SLC2A1: variants seen among roughly 807,000 people sequenced by gnomAD.
SLC2A1 encodes solute carrier family 2 member 1, also known as solute carrier family 2, facilitated glucose transporter member 1.
A neutral mutation model predicts 46.6 loss-of-function variants in SLC2A1; 4 were observed. The observed-to-expected ratio is 0.09, with a 90% confidence interval of 0.04 to 0.20. SLC2A1 has a LOEUF of 0.20. Among genes scored for constraint, SLC2A1 ranks in the 10% least tolerant of loss-of-function variants. The pLI, the probability that SLC2A1 is intolerant of heterozygous loss-of-function variation, is 1.00. For synonymous variants in SLC2A1, 253 were observed against 270.0 expected, an observed-to-expected ratio of 0.94 and a Z score of 0.62; for missense variants, 352 against 667.0, an observed-to-expected ratio of 0.53 and a Z score of 5.20.
At chr1:42,945,127 G>A (rs929866195) in intron 1 of SLC2A1, among the ~76,000 whole-genome samples, 24 of 152,138 alleles carry the variant, frequency 1.6e-4, no homozygotes, top group Admixed American at 1.1e-3. Flanking sequence ...GGCCCGCCAC[G>A]TGCTGGGCTT....
chr1:42,928,074 A>G (rs1374252403), intron 8 of SLC2A1, among the ~76,000 whole-genome samples: 1 of 152,214 alleles, frequency 6.6e-6, no homozygotes, highest in Non-Finnish European at 1.5e-5. Context: ...AAGAGGCCCC[A>G]TGGTCCCCTG....
At position 42,926,762 on chromosome 1, in the gene SLC2A1, G is replaced by A. The variant is rs1427225376; in HGVS notation, c.*279C>T. 7.0e-7 allele frequency: 1 copy of A among 1,422,926 alleles called. No homozygotes were observed. The highest frequency in any genetic ancestry group is 1.4e-5 in the African/African-American group (1 of 70,464). The allele number at this position is 1,422,926 out of a possible 1,614,324, so 88.1% of individuals were successfully genotyped here. ...GGTGAAGCCTGGGATGTGGGCACAG[G>A]AGACTCAGGCTGATATAAAAATAAC... is the stretch of plus-strand genomic sequence containing the variant. On this transcript the variant is annotated 3_prime_UTR_variant, in exon 10 of 10. Coordinates refer to ENST00000426263, the MANE Select transcript of SLC2A1 (RefSeq NM_006516.4).
chr1:42,934,852 C>T (rs185007471), intron 2 of SLC2A1, among the ~76,000 whole-genome samples: 130 of 152,246 alleles, frequency 8.5e-4, no homozygotes, highest in African/African-American at 3.1e-3. Flanking sequence ...ATTCTGCCTC[C>T]GAGTCTGTCC....
intron 1 of SLC2A1, among the ~76,000 whole-genome samples, chr1:42,946,391 C>A (rs1643655669): frequency 6.6e-6 from 1 of 152,176 alleles, no homozygotes; most frequent in South Asian, 2.1e-4. Context: ...AAACTGGACC[C>A]AGTCCTGACA....
chr1:42,948,763 TA>T (rs1211233452), intron 1 of SLC2A1, among the ~76,000 whole-genome samples: 1 of 151,936 alleles, frequency 6.6e-6, no homozygotes, highest in African/African-American at 2.4e-5. Flanking sequence ...ACCCTGTCTC[TA>T]CTAAAAATAG....
chr1:42,949,118 C>T (rs574644803), intron 1 of SLC2A1, among the ~76,000 whole-genome samples: 1 of 151,606 alleles, frequency 6.6e-6, no homozygotes, highest in Non-Finnish European at 1.5e-5. Flanking sequence ...TGGCACATGC[C>T]TATAATCCCA....
chr1:42,958,085 G>T (rs1643797861), intron 1 of SLC2A1, among the ~76,000 whole-genome samples: 2 of 152,166 alleles, frequency 1.3e-5, no homozygotes, highest in Non-Finnish European at 2.9e-5. Context: ...GAGGAGTAGG[G>T]GAGGCCGGTG....
Position 42,926,719 on chromosome 1 carries a change from A to G in SLC2A1, c.*322T>C, listed in dbSNP as rs886046340. The G allele has an allele frequency of 7.3e-7, 1 of 1,369,512 alleles. No individual in the cohort carries two copies. Among genetic ancestry groups the G allele is most frequent in the Non-Finnish European group, 9.6e-7 (1 of 1,041,702 alleles). The allele number at this position is 1,369,512 out of a possible 1,614,324, so 84.8% of individuals were successfully genotyped here. A position where few individuals can be genotyped will look rare whatever the true frequency, so the allele number is the denominator to read the frequency against. On this transcript the variant is annotated 3_prime_UTR_variant, in exon 10 of 10. Transcript: ENST00000426263. Reference sequence around the variant, plus strand: ...TCGACAGGGCTTAGTCTCCACCCTCAGGCATGGAACCATTCAGGGTGAAGC... The same window carrying G: ...TCGACAGGGCTTAGTCTCCACCCTCGGGCATGGAACCATTCAGGGTGAAGC...
At position 42,929,449 on chromosome 1, in the gene SLC2A1, G is replaced by A; in HGVS notation, c.868-135C>T. The A allele has an allele frequency of 2.8e-6, 3 of 1,079,444 alleles. No homozygotes were observed. The highest frequency in any genetic ancestry group is 4.2e-6 in the Non-Finnish European group (3 of 709,604). 66.9% of individuals were successfully genotyped at this position (1,079,444 alleles called of 1,614,324 possible). On this transcript the variant is annotated intron_variant, in intron 6 of 9. Coordinates refer to ENST00000426263, the MANE Select transcript of SLC2A1 (RefSeq NM_006516.4). The surrounding 1 kb of genome is among the most constrained non-coding windows in gnomAD (Gnocchi z 6.0). Reference sequence around the variant, plus strand: ...ACTCAGGCAGAAGGGACACTGCACTGCAGTGACCTTACGGGCTTGGGGTCT... The same window carrying A: ...ACTCAGGCAGAAGGGACACTGCACTACAGTGACCTTACGGGCTTGGGGTCT...
intron 1 of SLC2A1, among the ~76,000 whole-genome samples, chr1:42,946,798 T>C (rs16830121): frequency 0.071 from 10,861 of 152,162 alleles, 781 homozygotes; most frequent in African/African-American, 0.17. Flanking sequence ...CAATCTCAGA[T>C]TCATGCTGCC....
At chr1:42,948,641 C>G (rs1254856510) in intron 1 of SLC2A1, among the ~76,000 whole-genome samples, 1 of 152,154 alleles carries the variant, frequency 6.6e-6, no homozygotes, top group African/African-American at 2.4e-5. Flanking sequence ...AAAGAAAGAA[C>G]CTCAAGGCTG....
At chr1:42,934,704 AACCCT>A (rs1325276239) in intron 2 of SLC2A1, among the ~76,000 whole-genome samples, 3 of 152,056 alleles carry the variant, frequency 2.0e-5, no homozygotes, top group Non-Finnish European at 4.4e-5. Context: ...CAGCCTCCGC[AACCCT>A]GGGTCATGTG....
At position 42,929,919 on chromosome 1, in the gene SLC2A1, G is replaced by A. The variant is rs1060504208; in HGVS notation, c.633C>T (p.Pro211=). The stretch of plus-strand genomic sequence containing the variant: ...CGTTGCGGTTGATGAGCAGGAAGCG[G>A]GGACTCTCGGGGCAGAAGGGCAGCA... The part of the protein sequence containing the change: ...CIVLPFCPES[P]RFLLINRNEE... The change falls in exon 5 of 10, where the codon CCC becomes CCT. Residue 211 remains proline, a synonymous_variant. Coordinates refer to ENST00000426263, the MANE Select transcript of SLC2A1 (RefSeq NM_006516.4). This position sits in a 1 kb window ranked among gnomAD's most constrained non-coding sequence, Gnocchi z 6.0. The A allele has an allele frequency of 6.2e-7, 1 of 1,614,178 alleles. No individual in the cohort carries two copies. Among genetic ancestry groups the A allele is most frequent in the East Asian group, 2.2e-5 (1 of 44,880 alleles).
At chr1:42,955,827 C>T (rs541228549) in intron 1 of SLC2A1, among the ~76,000 whole-genome samples, 2 of 152,316 alleles carry the variant, frequency 1.3e-5, no homozygotes, top group South Asian at 2.1e-4. Flanking sequence ...GAACCCCTGG[C>T]TTGTAGGCAA....
Position 42,931,164 on chromosome 1 carries a change from C to T in SLC2A1, c.157G>A (p.Gly53Arg), listed in dbSNP as rs1235624366. Reference sequence around the variant, plus strand: ...AGCGTGGTGGGCAGGATGCTCTCCCCATAGCGGTGGACCCATGTCTGGTTG... The same window carrying T: ...AGCGTGGTGGGCAGGATGCTCTCCCTATAGCGGTGGACCCATGTCTGGTTG... ...FYNQTWVHRYGESILPTTLTT... is the reference protein window; with the variant it reads ...FYNQTWVHRYRESILPTTLTT... Residue 53 changes from glycine to arginine, a missense_variant, in exon 3 of 10, where the codon GGG (glycine) becomes AGG (arginine). Gly to Arg is a moderately radical substitution (Grantham distance 125). Transcript: ENST00000426263. 6.2e-7 allele frequency: 1 copy of T among 1,614,130 alleles called. No individual in the cohort carries two copies. The highest frequency in any genetic ancestry group is 8.5e-7 in the Non-Finnish European group (1 of 1,180,002).
rs146632983 is a variant in SLC2A1 at position 42,931,499 on chromosome 1, A to C, written c.115-293T>G. 4.6e-5 allele frequency among the ~76,000 whole-genome samples: 7 copies of C among 152,226 alleles called. No homozygotes were observed. The East Asian group carries it at 1.4e-3, about 29-fold the overall frequency. ...CAGTGTGACTTGCTGGGATGATGGC[A>C]AGTGATCAGTGGTGGAAGTTCAGGC... On this transcript the variant is annotated intron_variant, in intron 2 of 9. Coordinates refer to ENST00000426263, the MANE Select transcript of SLC2A1 (RefSeq NM_006516.4).
intron 1 of SLC2A1, among the ~76,000 whole-genome samples, chr1:42,953,275 G>C (rs1258531636): frequency 1.3e-5 from 2 of 152,258 alleles, no homozygotes; most frequent in Admixed American, 1.3e-4. Context: ...TTTCTGCCCA[G>C]GTTCAAGGCC....
At chr1:42,943,520 G>A (rs954468180) in intron 1 of SLC2A1, among the ~76,000 whole-genome samples, 199 bp from the exon 2 acceptor site, 2 of 152,114 alleles carry the variant, frequency 1.3e-5, no homozygotes, top group African/African-American at 4.8e-5. Context: ...TACTGGGCTG[G>A]CCGGGCCATT....
chr1:42,928,873 G>T, intron 8 of SLC2A1, 59 bp downstream of exon 8: 1 of 1,462,952 alleles, frequency 6.8e-7, no homozygotes, highest in Non-Finnish European at 9.6e-7. Context: ...GGCATTTTGG[G>T]ATATGAAGCC....
Sources: allele counts gnomAD v4.1 joint callset (sites outside exome capture counted in the v4.1 genomes callset), GRCh38; gene constraint gnomAD v4.1.1; non-coding constraint Gnocchi (gnomAD v3.1); transcripts MANE v1.5; gene names NCBI Gene and HGNC (gene_info 2026-07-23, HGNC 2026-07-21).